The following ZFHX3 variants were observed in gnomAD, a reference collection of about 807,000 sequenced individuals.
ZFHX3 encodes zinc finger homeobox protein 3.
ZFHX3 carries 42 observed loss-of-function variants against 279.1 expected under a neutral mutation model. The ratio of observed to expected loss-of-function variants is 0.15; its 90% CI spans 0.12 to 0.19. The LOEUF (loss-of-function observed/expected upper bound fraction) is 0.19. ZFHX3 is among the 10% of genes least tolerant of loss of function. The pLI is 1.00. For synonymous variants in ZFHX3, 2,293 were observed against 1,957.8 expected (o/e 1.17, Z -4.52); for missense variants, 4,981 against 4,754.0 (o/e 1.05, Z -1.40).
At chr16:72,887,208 G>A (rs1163526146) in intron 4 of ZFHX3, among the ~76,000 whole-genome samples, 3 of 152,128 alleles carry the variant, frequency 2.0e-5, no homozygotes, top group Non-Finnish European at 4.4e-5. Context: ...AGAGGGCTTT[G>A]GAGGGGCTTA....
intron 5 of ZFHX3, among the ~76,000 whole-genome samples, chr16:73,202,685 C>T (rs1442179592): frequency 1.3e-5 from 2 of 152,170 alleles, no homozygotes; most frequent in Non-Finnish European, 1.5e-5. Flanking sequence ...CTGCTCCAGC[C>T]ACACTCCACT....
At chr16:73,066,902 G>A (rs997534217) in intron 8 of ZFHX3, among the ~76,000 whole-genome samples, 1 of 152,094 alleles carries the variant, frequency 6.6e-6, no homozygotes, top group African/African-American at 2.4e-5. Context: ...GGAGGTGAGA[G>A]CACTGAGATG....
At chr16:73,719,138 C>A (rs2053448537) in intron 1 of ZFHX3, among the ~76,000 whole-genome samples, 1 of 152,204 alleles carries the variant, frequency 6.6e-6, no homozygotes, top group African/African-American at 2.4e-5. Flanking sequence ...TCACTTTGAA[C>A]TTTCACTTTC....
At chr16:73,728,751 G>A (rs1161337555) in intron 1 of ZFHX3, among the ~76,000 whole-genome samples, 2 of 151,406 alleles carry the variant, frequency 1.3e-5, no homozygotes, top group Non-Finnish European at 2.9e-5. Context: ...CTTGAAAGTT[G>A]TAGTGGTGAC....
chr16:73,148,684 C>T (rs188327843), intron 5 of ZFHX3, among the ~76,000 whole-genome samples: 4 of 149,534 alleles, frequency 2.7e-5, no homozygotes, highest in Admixed American at 1.4e-4. Context: ...TGGTGGCTCA[C>T]GTCTATAATC....
At position 73,257,137 on chromosome 16, in the gene ZFHX3, C is replaced by G. The variant is rs2013682408; in HGVS notation, c.-1193-1G>C. 1 of 152,144 alleles carries G rather than the reference C, an allele frequency of 6.6e-6. No individual in the cohort carries two copies. The highest frequency in any genetic ancestry group is 1.5e-5 in the Non-Finnish European group (1 of 68,008). The allele number at this position is 152,144 out of a possible 1,614,324, so 9.4% of individuals were successfully genotyped here. A position where few individuals can be genotyped will look rare whatever the true frequency, so the allele number is the denominator to read the frequency against. On this transcript the variant is annotated splice_acceptor_variant, in intron 4 of 17. Transcript: ENST00000641206. LOFTEE classifies it low-confidence loss of function (5UTR_SPLICE). The stretch of plus-strand genomic sequence containing the variant: ...ACGTCTGGGTTCCCCAAATCAGAGT[C>G]TATAACAAAGCAAAAAGTAAATAGT...
intron 1 of ZFHX3, among the ~76,000 whole-genome samples, chr16:73,877,276 C>G (rs1311792370): frequency 6.6e-6 from 1 of 151,812 alleles, no homozygotes; most frequent in Non-Finnish European, 1.5e-5. Flanking sequence ...TTTGTCTTTC[C>G]TGCCACAAAT....
intron 2 of ZFHX3, among the ~76,000 whole-genome samples, chr16:73,478,108 T>C (rs2018794882): frequency 6.6e-6 from 1 of 151,842 alleles, no homozygotes; most frequent in Non-Finnish European, 1.5e-5. Flanking sequence ...CCGTCTCTAC[T>C]AAAAATACAA....
chr16:73,032,696 AAG>A (rs1555543725), intron 1 of ZFHX3, among the ~76,000 whole-genome samples: 32 of 151,756 alleles, frequency 2.1e-4, no homozygotes, highest in Non-Finnish European at 4.0e-4. Flanking sequence ...GAAAAAAAAA[AAG>A]TAGAGACATC....
chr16:73,790,318 A>G (rs1306588066), intron 1 of ZFHX3, among the ~76,000 whole-genome samples: 2 of 151,376 alleles, frequency 1.3e-5, no homozygotes, highest in Non-Finnish European at 2.9e-5. Flanking sequence ...AAGTGGCACT[A>G]GATACAGTTG....
chr16:73,777,214 G>T (rs1358225511), intron 1 of ZFHX3, among the ~76,000 whole-genome samples: 1 of 152,052 alleles, frequency 6.6e-6, no homozygotes, highest in Non-Finnish European at 1.5e-5. Flanking sequence ...TTAGAAAGGT[G>T]AGTTAAAGGC....
intron 2 of ZFHX3, among the ~76,000 whole-genome samples, chr16:73,591,842 A>G (rs2052002926): frequency 6.6e-6 from 1 of 152,020 alleles, no homozygotes; most frequent in Admixed American, 6.6e-5. Context: ...AAATTGAGAC[A>G]ATTGGGAAAA....
chr16:73,637,745 T>C (rs1331399638), intron 2 of ZFHX3, among the ~76,000 whole-genome samples: 1 of 152,012 alleles, frequency 6.6e-6, no homozygotes, highest in East Asian at 1.9e-4. Flanking sequence ...TAGAAAATAT[T>C]ATATGAACAA....
At chr16:73,635,651 C>A (rs2052521288) in intron 2 of ZFHX3, among the ~76,000 whole-genome samples, 1 of 152,144 alleles carries the variant, frequency 6.6e-6, no homozygotes, top group Non-Finnish European at 1.5e-5. Flanking sequence ...ACCTCTCACC[C>A]TGTGATCTTG....
intron 1 of ZFHX3, among the ~76,000 whole-genome samples, chr16:73,803,996 A>C (rs1468786197): frequency 1.3e-5 from 2 of 152,150 alleles, no homozygotes; most frequent in African/African-American, 4.8e-5. Context: ...GTCTCTACAA[A>C]AAATACAAAA....
At chr16:73,530,147 C>A (rs187494464) in intron 2 of ZFHX3, among the ~76,000 whole-genome samples, 63 of 152,234 alleles carry the variant, frequency 4.1e-4, no homozygotes, top group Non-Finnish European at 7.6e-4. Context: ...GCAAAAGTCA[C>A]GTCTTACATG....
At chr16:73,485,727 C>T (rs2018962173) in intron 2 of ZFHX3, among the ~76,000 whole-genome samples, 1 of 152,204 alleles carries the variant, frequency 6.6e-6, no homozygotes, top group African/African-American at 2.4e-5. Flanking sequence ...TCCCTGTGTA[C>T]TGCCCTACCA....
chr16:73,143,447 T>C (rs908631569), intron 6 of ZFHX3, among the ~76,000 whole-genome samples: 2 of 152,204 alleles, frequency 1.3e-5, no homozygotes, highest in Non-Finnish European at 2.9e-5. Context: ...ACAGCATATT[T>C]CTGTCACATT....
At chr16:72,916,445 C>T (rs140392938) in intron 3 of ZFHX3, among the ~76,000 whole-genome samples, 2 of 152,180 alleles carry the variant, frequency 1.3e-5, no homozygotes, top group South Asian at 2.1e-4. Flanking sequence ...TCCAGGTGGA[C>T]CTCTCCTGTC....
Sources: allele counts gnomAD v4.1 joint callset (sites outside exome capture counted in the v4.1 genomes callset), GRCh38; gene constraint gnomAD v4.1.1; transcripts MANE v1.5; gene names NCBI Gene and HGNC (gene_info 2026-07-23, HGNC 2026-07-21).